DCLK2: variants seen among roughly 807,000 people sequenced by gnomAD.
DCLK2 encodes doublecortin like kinase 2.
DCLK2 carries 31 observed loss-of-function variants against 78.4 expected under a neutral mutation model. That is an observed-to-expected ratio of 0.40 (90% confidence interval 0.30 to 0.53). DCLK2 has a LOEUF of 0.53. DCLK2 is among the 20% of genes least tolerant of loss of function. DCLK2 has a pLI of 0.61. For synonymous variants in DCLK2, 407 were observed against 374.9 expected (o/e 1.09, Z -0.99); for missense variants, 872 against 973.7 (o/e 0.90, Z 1.39).
chr4:150,227,266 T>A (rs961150328), intron 8 of DCLK2, among the ~76,000 whole-genome samples: 12 of 152,226 alleles, frequency 7.9e-5, no homozygotes, highest in Non-Finnish European at 1.6e-4. Context: ...TCACCTTCTG[T>A]TTGTTCATCC....
chr4:150,204,936 C>G (rs1007747408), intron 5 of DCLK2, among the ~76,000 whole-genome samples: 14 of 151,778 alleles, frequency 9.2e-5, no homozygotes, highest in African/African-American at 3.1e-4. Flanking sequence ...AAAGGGTTGT[C>G]TACATGGTAA....
intron 2 of DCLK2, among the ~76,000 whole-genome samples, chr4:150,164,660 G>A (rs528065670): frequency 1.8e-4 from 28 of 152,240 alleles, no homozygotes; most frequent in Admixed American, 7.8e-4. Context: ...TTAGCTGGGT[G>A]TGGTGGTGCA....
intron 5 of DCLK2, among the ~76,000 whole-genome samples, chr4:150,211,340 A>G (rs909125119): frequency 5.9e-5 from 9 of 152,014 alleles, no homozygotes; most frequent in Admixed American, 5.2e-4. Context: ...AGAGAGTGCC[A>G]TACAGAAGCT....
chr4:150,156,741 TTTTATTTATTTA>T (rs150434713), intron 2 of DCLK2, among the ~76,000 whole-genome samples: 10,591 of 139,368 alleles, frequency 0.076, 664 homozygotes, highest in African/African-American at 0.18. Flanking sequence ...GGAGTAACTA[TTTTATTTATTTA>T]TTTATTTATT....
chr4:150,256,306 G>A lies in DCLK2; in HGVS notation c.*59G>A. 1 of 1,444,416 alleles carries A rather than the reference G, an allele frequency of 6.9e-7. No homozygotes were observed. The highest frequency in any genetic ancestry group is 9.1e-7 in the Non-Finnish European group (1 of 1,103,012). The allele number at this position is 1,444,416 out of a possible 1,614,324, so 89.5% of individuals were successfully genotyped here. On this transcript the variant is annotated 3_prime_UTR_variant, in exon 16 of 16. Transcript: ENST00000296550. ...GCCCAGGAAGCCAGCCCTCTGCTCG[G>A]CCTCGCCGGCCTCCCTGCTGCAGGC...
At chr4:150,156,169 A>T (rs1735256699) in intron 2 of DCLK2, among the ~76,000 whole-genome samples, 1 of 152,132 alleles carries the variant, frequency 6.6e-6, no homozygotes, top group South Asian at 2.1e-4. Flanking sequence ...ATGATGGTGC[A>T]AAAGCCGTGT....
chr4:150,192,355 C>T (rs765999167), intron 2 of DCLK2, among the ~76,000 whole-genome samples: 2 of 151,460 alleles, frequency 1.3e-5, no homozygotes, highest in Non-Finnish European at 2.9e-5. Context: ...TGGCATGCAC[C>T]TGTAGTCCCA....
At chr4:150,114,013 CA>C (rs1052945800) in intron 2 of DCLK2, among the ~76,000 whole-genome samples, 84 of 152,248 alleles carry the variant, frequency 5.5e-4, no homozygotes, top group African/African-American at 2.0e-3. Flanking sequence ...AAAAATTATT[CA>C]GGAGAAGATT....
At chr4:150,232,220 G>A in intron 8 of DCLK2, 117 bp from the exon 9 acceptor site, 4 of 1,287,904 alleles carry the variant, frequency 3.1e-6, no homozygotes, top group South Asian at 1.4e-5. Flanking sequence ...TGTGCCAAGA[G>A]CAATGCTTTC....
intron 2 of DCLK2, among the ~76,000 whole-genome samples, chr4:150,134,076 CT>C (rs768954755): frequency 0.13 from 11,901 of 94,414 alleles, 197 homozygotes; most frequent in Non-Finnish European, 0.18. Flanking sequence ...CGTATAAACT[CT>C]TTTTTTTTTT....
chr4:150,178,975 G>A (rs1229905904), intron 2 of DCLK2, among the ~76,000 whole-genome samples: 1 of 152,166 alleles, frequency 6.6e-6, no homozygotes, highest in Non-Finnish European at 1.5e-5. Flanking sequence ...GATACACGAT[G>A]CCAAGGGAGG....
chr4:150,091,867 G>A (rs1730105562), intron 1 of DCLK2, among the ~76,000 whole-genome samples: 1 of 151,610 alleles, frequency 6.6e-6, no homozygotes, highest in Non-Finnish European at 1.5e-5. Flanking sequence ...TGCAACGTAT[G>A]GTAGTATTAA....
intron 2 of DCLK2, among the ~76,000 whole-genome samples, chr4:150,161,274 G>A (rs1309221542): frequency 1.3e-5 from 2 of 152,112 alleles, no homozygotes; most frequent in African/African-American, 2.4e-5. Context: ...TAATAAATGT[G>A]TTTTCTATTT....
At chr4:150,245,958 G>A (rs1486125822) in intron 12 of DCLK2, among the ~76,000 whole-genome samples, 3 of 152,000 alleles carry the variant, frequency 2.0e-5, no homozygotes, top group Admixed American at 6.6e-5. Context: ...ACATGCACAC[G>A]TATGTTTATT....
rs527350571 is a variant in DCLK2, at chr4:150,211,313, A to G, written c.1056+7424A>G. On this transcript the variant is annotated intron_variant, in intron 5 of 15. Transcript: ENST00000296550. ...GTGGCTTTCCCCAGAACCAAGTGAT[A>G]AGAGAGAGAGAGAGAGAGAGAGTGC... Among the ~76,000 whole-genome samples the G allele has an allele frequency of 1.8e-4, 27 of 148,352 alleles. No homozygotes were observed. The East Asian group carries it at 2.9e-3, about 16-fold the overall frequency.
At chr4:150,146,336 C>T (rs1734472551) in intron 2 of DCLK2, among the ~76,000 whole-genome samples, 1 of 152,158 alleles carries the variant, frequency 6.6e-6, no homozygotes, top group African/African-American at 2.4e-5. Flanking sequence ...AATTCAGAGT[C>T]TACAATTTCA....
At chr4:150,192,889 G>A (rs1738571931) in intron 2 of DCLK2, among the ~76,000 whole-genome samples, 1 of 152,112 alleles carries the variant, frequency 6.6e-6, no homozygotes, top group African/African-American at 2.4e-5. Context: ...TTGCATGTAC[G>A]TCCTTGACTT....
rs753106440 is a variant in DCLK2 at position 150,247,586 on chromosome 4, C to G, written c.1779-17C>G. ...GGTGACTTTGACTTTTCTTCCATTT[C>G]TTTGTCACTGGCTTAGTGAGAACAA... On this transcript the variant is annotated splice_polypyrimidine_tract_variant and intron_variant, in intron 12 of 15. Coordinates refer to ENST00000296550, the MANE Select transcript of DCLK2 (RefSeq NM_001040260.4). The G allele has an allele frequency of 4.4e-6, 7 of 1,608,764 alleles. No individual in the cohort carries two copies. Among genetic ancestry groups the G allele is most frequent in the South Asian group, 2.2e-5 (2 of 90,438 alleles).
chr4:150,096,044 A>G lies in DCLK2; in HGVS notation c.422-6434A>G, dbSNP rs558781260. On this transcript the variant is annotated intron_variant, in intron 1 of 15. Coordinates refer to ENST00000296550, the MANE Select transcript of DCLK2 (RefSeq NM_001040260.4). Reference sequence around the variant, plus strand: ...AGAGAGACAAGAAAATCAAATATACATTTTTTAAAAACTTGTGACAGCTGT... The same window carrying G: ...AGAGAGACAAGAAAATCAAATATACGTTTTTTAAAAACTTGTGACAGCTGT... Among the ~76,000 whole-genome samples, 3 of 152,318 alleles carry G rather than the reference A, an allele frequency of 2.0e-5. No homozygotes were observed. The South Asian group carries it at 6.2e-4, about 32-fold the overall frequency.
Sources: gnomAD v4.1 joint callset for allele counts (sites outside exome capture counted in the v4.1 genomes callset) on GRCh38, gnomAD v4.1.1 for gene constraint, MANE v1.5 for transcripts, NCBI Gene and HGNC (gene_info 2026-07-23, HGNC 2026-07-21) for gene names.